Variants in PCDH11X observed in about 807,000 individuals in gnomAD.
The protein encoded by PCDH11X is protocadherin-11 X-linked.
Under a neutral mutation model 53.3 loss-of-function variants are expected in PCDH11X, and 18 were observed. The ratio of observed to expected loss-of-function variants is 0.34; its 90% CI spans 0.23 to 0.50. The LOEUF is 0.50. Ranked by LOEUF, PCDH11X falls within the 20% of genes least tolerant of loss-of-function variation. The pLI is 0.98. For synonymous variants in PCDH11X, 279 were observed against 393.3 expected, an observed-to-expected ratio of 0.71 and a Z score of 3.44; for missense variants, 570 against 1,032.4, an observed-to-expected ratio of 0.55 and a Z score of 6.14.
At chrX:92,574,761 A>G (rs1001796764) in intron 10 of PCDH11X, among the ~76,000 whole-genome samples, 1 of 110,997 alleles carries the variant, frequency 9.0e-6, no homozygotes, top group African/African-American at 3.3e-5. Context: ...CAGTTATTGC[A>G]CATACATTTA....
chrX:92,378,264 C>T (rs1299669184), intron 8 of PCDH11X, among the ~76,000 whole-genome samples: 1 of 107,761 alleles, frequency 9.3e-6, no homozygotes, highest in Non-Finnish European at 1.9e-5. Flanking sequence ...GTTTAATGGT[C>T]CTCTAATGAG....
intron 6 of PCDH11X, among the ~76,000 whole-genome samples, chrX:91,931,041 G>A (rs1339362045): frequency 9.0e-6 from 1 of 110,514 alleles, no homozygotes; most frequent in Non-Finnish European, 1.9e-5. Flanking sequence ...TCCAGGAAAG[G>A]GAGCTGAGGT....
chrX:92,083,800 G>A (rs1305373639), intron 6 of PCDH11X, among the ~76,000 whole-genome samples: 1 of 111,197 alleles, frequency 9.0e-6, no homozygotes, highest in Non-Finnish European at 1.9e-5. Flanking sequence ...TCTATAAAAA[G>A]CATCTTAGAG....
intron 6 of PCDH11X, among the ~76,000 whole-genome samples, chrX:92,132,628 T>C (rs1294475883): frequency 8.8e-5 from 6 of 68,044 alleles, no homozygotes; most frequent in Admixed American, 2.3e-4. Context: ...AAGAAATATA[T>C]ATATATGTAT....
In PCDH11X at chrX:91,853,726, GGT is replaced by G. The variant is rs775212994; in HGVS notation, c.540+17688_540+17689del. Among the ~76,000 whole-genome samples the G allele has an allele frequency of 6.3e-4, 70 of 110,917 alleles. 1 individual carries two copies. Among genetic ancestry groups the G allele is most frequent in the African/African-American group, 2.1e-3 (64 of 30,526 alleles). On this transcript the variant is annotated intron_variant, in intron 5 of 10. Transcript: ENST00000682573. ...TGAATGAGACACAAAAGTTGATAGT[GGT>G]GTGTGATAGAACTAATTACAAGCGT...
intron 5 of PCDH11X, among the ~76,000 whole-genome samples, chrX:91,853,271 G>T (rs1037577244): frequency 9.0e-6 from 1 of 111,033 alleles, no homozygotes; most frequent in Non-Finnish European, 1.9e-5. Flanking sequence ...TTCACTAATT[G>T]CACAAAAGTT....
intron 10 of PCDH11X, among the ~76,000 whole-genome samples, chrX:92,481,592 G>A (rs1331957664): frequency 9.0e-6 from 1 of 110,593 alleles, no homozygotes; most frequent in African/African-American, 3.3e-5. Flanking sequence ...GGACAGGCCA[G>A]CAGACCAAGG....
intron 6 of PCDH11X, among the ~76,000 whole-genome samples, chrX:91,951,776 T>A (rs1012732763): frequency 1.8e-4 from 20 of 111,312 alleles, no homozygotes; most frequent in Non-Finnish European, 3.6e-4. Flanking sequence ...TTTCTGATGA[T>A]CCTTAGGTAA....
chrX:92,282,293 T>G (rs968532619), intron 8 of PCDH11X, among the ~76,000 whole-genome samples: 2 of 111,844 alleles, frequency 1.8e-5, no homozygotes, highest in African/African-American at 3.2e-5. Flanking sequence ...ATCTTAAAAT[T>G]TTTTTCCTAA....
At chrX:91,897,825 T>G (rs1940805136) in intron 6 of PCDH11X, among the ~76,000 whole-genome samples, 1 of 111,683 alleles carries the variant, frequency 9.0e-6, no homozygotes, top group Non-Finnish European at 1.9e-5. Flanking sequence ...CTCTGCTACA[T>G]TAAGTTCTAG....
chrX:92,515,914 G>T (rs1410128709), intron 10 of PCDH11X, among the ~76,000 whole-genome samples: 1 of 111,425 alleles, frequency 9.0e-6, no homozygotes, highest in Non-Finnish European at 1.9e-5. Flanking sequence ...ACCTAGGGAA[G>T]CAGTAGGTCA....
intron 8 of PCDH11X, among the ~76,000 whole-genome samples, chrX:92,331,319 C>CTTCTTCTTCT (rs1369843764): frequency 3.5e-4 from 10 of 28,817 alleles, no homozygotes; most frequent in African/African-American, 1.3e-3. Context: ...CTTCTTCTTC[C>CTTCTTCTTCT]TCTTCTTCTT....
At chrX:92,563,566 GA>G (rs1322613391) in intron 10 of PCDH11X, among the ~76,000 whole-genome samples, 1 of 111,306 alleles carries the variant, frequency 9.0e-6, no homozygotes, top group Non-Finnish European at 1.9e-5. Flanking sequence ...AGTACTGAAG[GA>G]AAAAACTTTT....
At chrX:92,365,391 C>CTGT (rs773580481) in intron 8 of PCDH11X, among the ~76,000 whole-genome samples, 1 of 109,900 alleles carries the variant, frequency 9.1e-6, no homozygotes, top group South Asian at 3.9e-4. Flanking sequence ...TAGGTTTTTG[C>CTGT]TGTTGTTGTT....
intron 6 of PCDH11X, among the ~76,000 whole-genome samples, chrX:92,167,190 A>T (rs1464879613): frequency 3.6e-5 from 4 of 111,074 alleles, no homozygotes; most frequent in Non-Finnish European, 7.5e-5. Context: ...TTTTTAAAAG[A>T]TTATCTAAAA....
rs147910999 is a variant in PCDH11X at position 92,560,023 on chromosome X, A to T, written c.3368-58241A>T. The stretch of plus-strand genomic sequence containing the variant: ...CCCCTCTCCCAAGCCCAGACAGTGC[A>T]GCTCGCAACAATAAAGTGACTCCTT... On this transcript the variant is annotated intron_variant, in intron 10 of 10. Transcript: ENST00000682573. 5.9e-3 allele frequency among the ~76,000 whole-genome samples: 654 copies of T among 111,134 alleles called. 5 individuals are homozygous for T. The highest frequency in any genetic ancestry group is 0.02 in the African/African-American group (621 of 30,601).
intron 6 of PCDH11X, among the ~76,000 whole-genome samples, chrX:91,919,186 A>G (rs1044763603): frequency 9.0e-6 from 1 of 111,401 alleles, no homozygotes; most frequent in Non-Finnish European, 1.9e-5. Flanking sequence ...TCTATAAGAG[A>G]TAGCCCTATA....
At chrX:92,301,477 A>T (rs892122393) in intron 8 of PCDH11X, among the ~76,000 whole-genome samples, 4 of 108,921 alleles carry the variant, frequency 3.7e-5, no homozygotes, top group African/African-American at 1.3e-4. Flanking sequence ...ATAGGCTGGA[A>T]TTCTGCCCAG....
chrX:91,837,986 A>G (rs189089865), intron 5 of PCDH11X, among the ~76,000 whole-genome samples: 2 of 112,232 alleles, frequency 1.8e-5, no homozygotes, highest in Non-Finnish European at 3.8e-5. Context: ...TTATTTGGAC[A>G]ATACAAATTA....
Sources: allele counts gnomAD v4.1 joint callset (sites outside exome capture counted in the v4.1 genomes callset), GRCh38; gene constraint gnomAD v4.1.1; transcripts MANE v1.5; gene names NCBI Gene and HGNC (gene_info 2026-07-23, HGNC 2026-07-21).